FAM20A: variants seen among roughly 807,000 people sequenced by gnomAD.
FAM20A encodes the protein FAM20A golgi associated secretory pathway pseudokinase.
Under a neutral mutation model 52.0 loss-of-function variants are expected in FAM20A, and 42 were observed. The observed-to-expected ratio is 0.81, with a 90% CI of 0.63 to 1.04. The LOEUF is 1.04. Among genes scored for constraint, FAM20A ranks in the 50% least tolerant of loss-of-function variants. The probability of loss-of-function intolerance (pLI) is 0.00; values close to 1 mark genes in which losing one functional copy is unlikely to be tolerated. For synonymous variants in FAM20A, 304 were observed against 298.9 expected (o/e 1.02, Z -0.18); for missense variants, 742 against 712.7 (o/e 1.04, Z -0.47).
intron 9 of FAM20A, 117 bp downstream of exon 9, chr17:68,539,768 A>G (rs1162425827): frequency 5.4e-6 from 5 of 922,712 alleles, no homozygotes; most frequent in Non-Finnish European, 8.8e-6. Flanking sequence ...CGAAGGAGAC[A>G]AGGCACGTGG....
intron 5 of FAM20A, 135 bp downstream of exon 5, chr17:68,543,494 C>T (rs954042748): frequency 2.8e-5 from 21 of 751,820 alleles, no homozygotes; most frequent in Non-Finnish European, 4.2e-5. Flanking sequence ...AAAGACACCA[C>T]GATGAGGCAC....
rs983213079 is a variant in FAM20A, at chr17:68,600,690, C to T, written c.-24G>A. 3.9e-6 allele frequency: 6 copies of T among 1,529,470 alleles called. No individual in the cohort carries two copies. The highest frequency in any genetic ancestry group is 2.4e-5 in the South Asian group (2 of 83,656). The allele number at this position is 1,529,470 out of a possible 1,614,324, so 94.7% of individuals were successfully genotyped here. A position where few individuals can be genotyped will look rare whatever the true frequency, so the allele number is the denominator to read the frequency against. On this transcript the variant is annotated 5_prime_UTR_variant, in exon 1 of 11. Coordinates refer to ENST00000592554, the MANE Select transcript of FAM20A (RefSeq NM_017565.4). The surrounding 1 kb of genome is among the most constrained non-coding windows in gnomAD (Gnocchi z 6.2). Reference sequence around the variant, plus strand: ...ATGGCGTGCTGGCCAAGGGGGACGCCGGGGGCAGGCCGGCTGTCTCCGGGG... The same window carrying T: ...ATGGCGTGCTGGCCAAGGGGGACGCTGGGGGCAGGCCGGCTGTCTCCGGGG...
At chr17:68,578,301 G>A (rs1324249134) in intron 1 of FAM20A, among the ~76,000 whole-genome samples, 4 of 152,240 alleles carry the variant, frequency 2.6e-5, no homozygotes, top group African/African-American at 9.6e-5. Flanking sequence ...GAATCTGCAT[G>A]TAGGTGGGTA....
intron 1 of FAM20A, among the ~76,000 whole-genome samples, chr17:68,595,255 C>T (rs1390817086): frequency 6.6e-6 from 1 of 152,198 alleles, no homozygotes; most frequent in Non-Finnish European, 1.5e-5. Context: ...TCATTTTGAT[C>T]TATTTGGAAG....
intron 9 of FAM20A, 35 bp downstream of exon 9, chr17:68,539,848 GGA>G: frequency 1.3e-6 from 2 of 1,598,112 alleles, no homozygotes; most frequent in Non-Finnish European, 1.7e-6. Flanking sequence ...AGCACATCTG[GGA>G]GAGGGGATTG....
intron 8 of FAM20A, 191 bp downstream of exon 8, chr17:68,540,650 GAGCTTCTT>G (rs1221357553): frequency 5.6e-6 from 4 of 712,130 alleles, no homozygotes; most frequent in Non-Finnish European, 7.4e-6. Context: ...ACGACCCCTT[GAGCTTCTT>G]CCAGTTCTTT....
chr17:68,578,329 G>A (rs539785800), intron 1 of FAM20A, among the ~76,000 whole-genome samples: 1 of 152,310 alleles, frequency 6.6e-6, no homozygotes, highest in Non-Finnish European at 1.5e-5. Flanking sequence ...GGGTTAGGCT[G>A]GGGCACATAT....
intron 1 of FAM20A, among the ~76,000 whole-genome samples, chr17:68,559,169 C>A (rs2087140629): frequency 6.6e-6 from 1 of 152,110 alleles, no homozygotes; most frequent in African/African-American, 2.4e-5. Flanking sequence ...AATTTGTACT[C>A]AAAAATAAAA....
intron 1 of FAM20A, among the ~76,000 whole-genome samples, chr17:68,564,174 CCA>C (rs1229241161): frequency 4.6e-5 from 7 of 152,104 alleles, no homozygotes; most frequent in African/African-American, 1.4e-4. Context: ...ATATTCCTAT[CCA>C]CAGTTTGCAA....
chr17:68,554,499 CAGAA>C (rs1438383650), intron 3 of FAM20A, among the ~76,000 whole-genome samples: 7 of 152,190 alleles, frequency 4.6e-5, no homozygotes, highest in Non-Finnish European at 8.8e-5. Flanking sequence ...GATTCTGATT[CAGAA>C]AGAGAGTGAG....
intron 8 of FAM20A, chr17:68,540,647 C>T (rs924821117): frequency 1.4e-6 from 1 of 706,604 alleles, no homozygotes; most frequent in African/African-American, 1.7e-5. Context: ...GTGACGACCC[C>T]TTGAGCTTCT....
intron 4 of FAM20A, among the ~76,000 whole-genome samples, chr17:68,550,765 C>T (rs946653590): frequency 6.6e-6 from 1 of 152,228 alleles, no homozygotes; most frequent in Non-Finnish European, 1.5e-5. Context: ...GTCCACTGGA[C>T]TCCCTGAGGG....
rs144172328 is a variant in FAM20A, at chr17:68,543,240, A to G, written c.812+389T>C. Among the ~76,000 whole-genome samples, 438 of 152,206 alleles carry G rather than the reference A, an allele frequency of 2.9e-3. 2 individuals are homozygous for G. Among genetic ancestry groups the G allele is most frequent in the African/African-American group, 1.0e-2 (414 of 41,522 alleles). On this transcript the variant is annotated intron_variant, in intron 5 of 10. Transcript: ENST00000592554. ...GCTACAGACCACACTTTGGGTAGCA[A>G]TGACTGAGCAAATAGAGGGAGTGGA... is the stretch of plus-strand genomic sequence containing the variant.
chr17:68,566,111 G>A (rs1319546146), intron 1 of FAM20A, among the ~76,000 whole-genome samples: 2 of 152,042 alleles, frequency 1.3e-5, no homozygotes, highest in African/African-American at 2.4e-5. Context: ...AACTCCCATG[G>A]AACTTCCTCC....
chr17:68,542,199 G>A (rs2086329826), intron 6 of FAM20A, 34 bp from the exon 7 acceptor site: 1 of 1,609,784 alleles, frequency 6.2e-7, no homozygotes, highest in Non-Finnish European at 8.5e-7. Flanking sequence ...AGGAGTAAGT[G>A]GAGGGCTCTG....
intron 1 of FAM20A, among the ~76,000 whole-genome samples, chr17:68,581,390 CTTT>C (rs2087962879): frequency 6.9e-6 from 1 of 145,200 alleles, no homozygotes; most frequent in Non-Finnish European, 1.5e-5. Context: ...TTCTTTCTTT[CTTT>C]CTTTCTTTCT....
chr17:68,552,691 T>TTTTTTTG (rs2086897023), intron 3 of FAM20A, among the ~76,000 whole-genome samples: 1 of 125,590 alleles, frequency 8.0e-6, no homozygotes, highest in African/African-American at 3.0e-5. Context: ...TTTTTTTTTT[T>TTTTTTTG]TGAGACGGAG....
chr17:68,581,416 T>TTCTTTCTTTC (rs1303963270), intron 1 of FAM20A, among the ~76,000 whole-genome samples: 5 of 120,258 alleles, frequency 4.2e-5, no homozygotes, highest in African/African-American at 1.0e-4. Context: ...CTTTCTTTCT[T>TTCTTTCTTTC]TTTCTCTTTT....
chr17:68,594,224 G>C (rs1259129832), intron 1 of FAM20A, among the ~76,000 whole-genome samples: 2 of 152,068 alleles, frequency 1.3e-5, no homozygotes, highest in Non-Finnish European at 2.9e-5. Flanking sequence ...ATGGTGAAAC[G>C]CCGTCTCTAC....
Sources: allele counts gnomAD v4.1 joint callset (sites outside exome capture counted in the v4.1 genomes callset), GRCh38; gene constraint gnomAD v4.1.1; non-coding constraint Gnocchi (gnomAD v3.1); transcripts MANE v1.5; gene names NCBI Gene and HGNC (gene_info 2026-07-23, HGNC 2026-07-21).